The following CCDC73 variants were observed in gnomAD, a reference collection of about 807,000 sequenced individuals.
CCDC73 encodes the protein coiled-coil domain containing 73.
In CCDC73, 95 loss-of-function variants were observed where a neutral mutation model predicts 116.5. The observed-to-expected ratio is 0.82, with a 90% CI of 0.69 to 0.97. CCDC73 has a LOEUF of 0.97. Among genes scored for constraint, CCDC73 ranks in the 50% least tolerant of loss-of-function variants. The pLI, the probability that CCDC73 is intolerant of heterozygous loss-of-function variation, is 0.00. For missense variants in CCDC73, 1,066 were observed against 1,206.8 expected, an observed-to-expected ratio of 0.88 and a Z score of 1.73; for synonymous variants, 398 against 401.3, an observed-to-expected ratio of 0.99 and a Z score of 0.10.
At chr11:32,625,376 G>A (rs553623) in intron 14 of CCDC73, among the ~76,000 whole-genome samples, 65,897 of 151,948 alleles carry the variant, frequency 0.43, 14,720 homozygotes, top group African/African-American at 0.49. Flanking sequence ...TCCTAGCCTC[G>A]ATGGTCTTTA....
intron 2 of CCDC73, among the ~76,000 whole-genome samples, chr11:32,743,916 C>T (rs1007555434): frequency 1.3e-5 from 2 of 152,102 alleles, no homozygotes; most frequent in African/African-American, 2.4e-5. Context: ...TCTTGCCTGA[C>T]TGCCGTGGCC....
At chr11:32,747,365 T>C (rs1156573819) in intron 2 of CCDC73, among the ~76,000 whole-genome samples, 1 of 152,126 alleles carries the variant, frequency 6.6e-6, no homozygotes, top group Non-Finnish European at 1.5e-5. Context: ...CTGGGAGATC[T>C]CCCAGTCAGG....
the CCDC73 span, among the ~76,000 whole-genome samples, chr11:32,806,371 G>A: frequency 2.6e-4 from 39 of 152,110 alleles, no homozygotes; most frequent in Non-Finnish European, 2.5e-4. Flanking sequence ...CTATCATCCC[G>A]CACTTTGGGA....
chr11:32,782,416 TATG>T (rs1406418562), intron 1 of CCDC73, among the ~76,000 whole-genome samples: 1 of 152,070 alleles, frequency 6.6e-6, no homozygotes, highest in African/African-American at 2.4e-5. Flanking sequence ...ACACAAATAA[TATG>T]ATAACAGGAG....
intron 1 of CCDC73, among the ~76,000 whole-genome samples, chr11:32,772,109 G>A (rs1196431631): frequency 2.0e-5 from 3 of 152,170 alleles, no homozygotes; most frequent in Non-Finnish European, 4.4e-5. Context: ...ACGAAATTAT[G>A]AGAAATAATA....
chr11:32,820,236 C>T, the CCDC73 span, among the ~76,000 whole-genome samples: 7 of 152,074 alleles, frequency 4.6e-5, no homozygotes, highest in African/African-American at 1.7e-4. Flanking sequence ...TCACTGCAGC[C>T]TCGATCTCCC....
chr11:32,758,463 A>G, intron 2 of CCDC73: 1 of 463,942 alleles, frequency 2.2e-6, no homozygotes, highest in South Asian at 1.6e-5. Flanking sequence ...AGTTCTTATG[A>G]GGTTATCTTG....
chr11:32,656,540 G>A (rs1454944516), intron 9 of CCDC73, among the ~76,000 whole-genome samples: 5 of 152,182 alleles, frequency 3.3e-5, no homozygotes, highest in African/African-American at 1.2e-4. Flanking sequence ...TCCATCTGTT[G>A]GTAGATAGTC....
intron 1 of CCDC73, among the ~76,000 whole-genome samples, chr11:32,789,319 C>T (rs1461192928): frequency 6.6e-6 from 1 of 152,130 alleles, no homozygotes; most frequent in Admixed American, 6.6e-5. Flanking sequence ...CAAGTGTAAA[C>T]CTGACCTTGT....
intron 9 of CCDC73, among the ~76,000 whole-genome samples, chr11:32,669,248 T>A (rs1271190074): frequency 6.6e-6 from 1 of 152,162 alleles, no homozygotes; most frequent in Non-Finnish European, 1.5e-5. Flanking sequence ...TTGACTGATA[T>A]TTATATTGTT....
intron 1 of CCDC73, among the ~76,000 whole-genome samples, chr11:32,783,226 G>C (rs1850598092): frequency 6.6e-6 from 1 of 152,056 alleles, no homozygotes. Context: ...CATAATGGAA[G>C]CTAGAATAAA....
intron 12 of CCDC73, among the ~76,000 whole-genome samples, chr11:32,644,687 T>C (rs1344355450): frequency 6.6e-6 from 1 of 152,202 alleles, no homozygotes; most frequent in Non-Finnish European, 1.5e-5. Context: ...CATATGTTCA[T>C]GTAACTCCCA....
chr11:32,765,061 T>A (rs1046966425), intron 1 of CCDC73, among the ~76,000 whole-genome samples: 1 of 152,142 alleles, frequency 6.6e-6, no homozygotes, highest in African/African-American at 2.4e-5. Context: ...CAAGAAGAGC[T>A]AACTATCCTA....
chr11:32,767,629 AAAAC>A (rs1201976549), intron 1 of CCDC73, among the ~76,000 whole-genome samples: 4 of 152,368 alleles, frequency 2.6e-5, no homozygotes, highest in Non-Finnish European at 4.4e-5. Context: ...TTACAAGAAA[AAAAC>A]AAACAACCCC....
At chr11:32,740,073 G>T (rs1850170025) in intron 2 of CCDC73, among the ~76,000 whole-genome samples, 1 of 152,038 alleles carries the variant, frequency 6.6e-6, no homozygotes, top group Non-Finnish European at 1.5e-5. Flanking sequence ...GTTGAATGCT[G>T]TTTGCTAGTA....
intron 3 of CCDC73, among the ~76,000 whole-genome samples, chr11:32,705,342 C>A (rs376687233): frequency 2.0e-5 from 3 of 152,308 alleles, no homozygotes; most frequent in South Asian, 4.1e-4. Flanking sequence ...CTCTTTTGGG[C>A]TCTGTGGTTC....
intron 12 of CCDC73, among the ~76,000 whole-genome samples, chr11:32,652,374 C>T (rs1855834049): frequency 6.6e-6 from 1 of 151,900 alleles, no homozygotes; most frequent in South Asian, 2.1e-4. Context: ...GTGCCAACCA[C>T]TTCCACATGA....
intron 6 of CCDC73, among the ~76,000 whole-genome samples, chr11:32,695,274 C>A (rs1856299088): frequency 6.6e-6 from 1 of 151,100 alleles, no homozygotes; most frequent in Non-Finnish European, 1.5e-5. Context: ...GAGGGTGAGG[C>A]AGGAGAATCG....
chr11:32,798,555 C>T (rs910075185), upstream of CCDC73, among the ~76,000 whole-genome samples: 2 of 152,222 alleles, frequency 1.3e-5, no homozygotes, highest in African/African-American at 4.8e-5. Context: ...ATCCTCCTGC[C>T]TTGGCCTCCC....
Sources: allele counts gnomAD v4.1 joint callset (sites outside exome capture counted in the v4.1 genomes callset), GRCh38; gene constraint gnomAD v4.1.1; transcripts MANE v1.5; gene names NCBI Gene and HGNC (gene_info 2026-07-23, HGNC 2026-07-21).